The following C11orf65 variants were observed in gnomAD, a reference collection of about 807,000 sequenced individuals.
C11orf65 encodes protein MFI.
In C11orf65, 38 loss-of-function variants were observed where a neutral mutation model predicts 35.3. The ratio of observed to expected loss-of-function variants is 1.08; its 90% CI spans 0.83 to 1.41. The LOEUF (loss-of-function observed/expected upper bound fraction) is 1.41, where lower values mean the gene tolerates loss of function less well. C11orf65 is among the 40% of genes most tolerant of loss of function. C11orf65 has a pLI of 0.00. For synonymous variants in C11orf65, 105 were observed against 114.4 expected (o/e 0.92, Z 0.53); for missense variants, 370 against 367.1 (o/e 1.01, Z -0.06).
rs777200099 is a variant in C11orf65 at position 108,317,998 on chromosome 11, T to C, written c.641-8927A>G. ...GCTACAAACATTTTAGTCAGTAAGATAGCACTTATATTGGCTGGAGGATCC... is the reference window on the plus strand; with the variant it reads ...GCTACAAACATTTTAGTCAGTAAGACAGCACTTATATTGGCTGGAGGATCC... On this transcript the variant is annotated intron_variant, in intron 6 of 6. Transcript: ENST00000525729. 5.9e-5 allele frequency among the ~76,000 whole-genome samples: 9 copies of C among 152,288 alleles called. No individual in the cohort carries two copies. The South Asian group carries it at 1.0e-3, about 18-fold the overall frequency.
rs954486976 is a variant in C11orf65, at chr11:108,373,725, C to T, written c.226+19483G>A. Among the ~76,000 whole-genome samples the T allele has an allele frequency of 1.2e-4, 18 of 152,334 alleles. 1 individual carries two copies. In the East Asian group the frequency reaches 3.1e-3, roughly 26 times the overall value. ...CGCCAGCCGAAGCAGGGCGTGGCAT[C>T]GCATCACACGGGAAGCGCAAGGGGT... On this transcript the variant is annotated intron_variant, in intron 2 of 3. Coordinates refer to the C11orf65 transcript ENST00000524755.
chr11:108,349,725 A>T (rs1656055980), intron 2 of C11orf65, among the ~76,000 whole-genome samples: 1 of 152,176 alleles, frequency 6.6e-6, no homozygotes, highest in African/African-American at 2.4e-5. Context: ...TGGCAGAGAA[A>T]TTTGCTGCAG....
chr11:108,403,412 T>TTTTTTTC (rs1555164814), intron 6 of C11orf65, among the ~76,000 whole-genome samples: 6 of 144,488 alleles, frequency 4.2e-5, no homozygotes, highest in Non-Finnish European at 9.1e-5. Context: ...TTGAGAGGTT[T>TTTTTTTC]TTTTTTTGTT....
chr11:108,422,658 C>T lies in C11orf65; in HGVS notation c.174+9088G>A, dbSNP rs556240610. Among the ~76,000 whole-genome samples, 72 of 152,066 alleles carry T rather than the reference C, an allele frequency of 4.7e-4. 1 individual carries two copies. The highest frequency in any genetic ancestry group is 1.6e-3 in the Admixed American group (24 of 15,278). On this transcript the variant is annotated intron_variant, in intron 3 of 8. Transcript: ENST00000393084. ...CAGCACTTTGGGAGGCCAAGGTGGG[C>T]GGATCACGAGGTCAGGAGATGGAGA...
intron 2 of C11orf65, chr11:108,346,499 GTT>G (rs879675361): frequency 1.3e-4 from 18 of 135,088 alleles, no homozygotes; most frequent in Non-Finnish European, 1.1e-4. Flanking sequence ...TCTATTTGTT[GTT>G]TTTTTTTTTT....
intron 6 of C11orf65, chr11:108,317,331 T>C (rs765924415): frequency 9.4e-6 from 15 of 1,591,718 alleles, no homozygotes; most frequent in African/African-American, 8.1e-5. Flanking sequence ...TCTGTTGATA[T>C]CTTTGATTAC....
At chr11:108,360,167 C>T (rs2090543843) in intron 2 of C11orf65, among the ~76,000 whole-genome samples, 1 of 149,816 alleles carries the variant, frequency 6.7e-6, no homozygotes, top group Admixed American at 6.6e-5. Context: ...ACTACAAACA[C>T]CTCTACGCAA....
chr11:108,330,251 G>A (rs2136454078), downstream of C11orf65: 1 of 1,614,190 alleles, frequency 6.2e-7, no homozygotes, highest in Non-Finnish European at 8.5e-7. Context: ...GGAGTTGGAT[G>A]AATTAGCCCT....
intron 1 of C11orf65, chr11:108,462,640 C>T (rs1473668143): frequency 6.6e-6 from 1 of 152,074 alleles, no homozygotes; most frequent in Non-Finnish European, 1.5e-5. Context: ...TAAAATTAGA[C>T]CTTATGTGGT....
At chr11:108,340,024 G>C (rs1311883224) in intron 2 of C11orf65, 2 of 152,154 alleles carry the variant, frequency 1.3e-5, no homozygotes, top group Non-Finnish European at 2.9e-5. Flanking sequence ...GTAAAACATT[G>C]CCCTAGTCCT....
Position 108,393,911 on chromosome 11 carries a change from G to A in C11orf65, c.561-533C>T, listed in dbSNP as rs183317619. ...AAAAAGACACAGCCAGGCCCAGCGC[G>A]GTGGCTCACGCCTATAATCACAGAA... is the stretch of plus-strand genomic sequence containing the variant. On this transcript the variant is annotated intron_variant, in intron 6 of 8. Transcript: ENST00000393084. Among the ~76,000 whole-genome samples, 38 of 152,124 alleles carry A rather than the reference G, an allele frequency of 2.5e-4. No homozygotes were observed. In the East Asian group the frequency reaches 6.4e-3, roughly 26 times the overall value.
At chr11:108,356,650 T>C (rs1229675176) in intron 2 of C11orf65, among the ~76,000 whole-genome samples, 1 of 152,174 alleles carries the variant, frequency 6.6e-6, no homozygotes, top group Non-Finnish European at 1.5e-5. Flanking sequence ...GGGATTTTTA[T>C]GCTAAGGTGG....
intron 3 of C11orf65, among the ~76,000 whole-genome samples, chr11:108,424,656 G>A (rs2092873798): frequency 6.6e-6 from 1 of 152,082 alleles, no homozygotes; most frequent in Admixed American, 6.6e-5. Context: ...TCTAGACCAA[G>A]CAGACCTAAT....
intron 2 of C11orf65, among the ~76,000 whole-genome samples, chr11:108,354,337 A>G (rs945689728): frequency 1.3e-5 from 2 of 152,106 alleles, no homozygotes; most frequent in South Asian, 2.1e-4. Context: ...TAATGATCCA[A>G]ACTACTATTG....
rs1164726398 is a variant in C11orf65, at chr11:108,427,825, C to CTTTTT, written c.174+3916_174+3920dup. 9.5e-4 allele frequency among the ~76,000 whole-genome samples: 56 copies of CTTTTT among 59,050 alleles called. 8 individuals carry two copies. The highest frequency in any genetic ancestry group is 6.9e-3 in the South Asian group (8 of 1,160). The allele number at this position is 59,050 out of a possible 152,430, so 38.7% of individuals were successfully genotyped here. ...ATCTCACGCCAGTTAGAATGGCAAT[C>CTTTTT]TTTTTTTTTTTTTTTTTTTTTTTGA... On this transcript the variant is annotated intron_variant, in intron 3 of 8. Transcript: ENST00000393084.
At position 108,315,993 on chromosome 11, in the gene C11orf65, C is replaced by G. The variant is rs1591778129; in HGVS notation, c.641-6922G>C. The G allele has an allele frequency of 6.2e-7, 1 of 1,613,058 alleles. No individual in the cohort carries two copies. The highest frequency in any genetic ancestry group is 2.2e-5 in the East Asian group (1 of 44,854). On this transcript the variant is annotated intron_variant, in intron 6 of 6. Transcript: ENST00000525729. ...TGTGTGTAAAACCCAAAGCTATTTT[C>G]ACAATCTTTTCTTATAGACTACGAA...
intron 2 of C11orf65, among the ~76,000 whole-genome samples, chr11:108,435,326 GA>G (rs368969757): frequency 0.013 from 1,897 of 146,668 alleles, 47 homozygotes; most frequent in African/African-American, 0.044. Context: ...AAACCAACAT[GA>G]AAAAAAAAAG....
intron 2 of C11orf65, among the ~76,000 whole-genome samples, chr11:108,449,988 T>C (rs906162076): frequency 3.3e-4 from 50 of 151,252 alleles, no homozygotes; most frequent in African/African-American, 1.2e-3. Flanking sequence ...GAACAGACAC[T>C]CCTCAAAAGA....
intron 3 of C11orf65, among the ~76,000 whole-genome samples, chr11:108,422,608 G>C (rs1056214055): frequency 6.6e-6 from 1 of 152,178 alleles, no homozygotes; most frequent in African/African-American, 2.4e-5. Context: ...CCTGGGCTGG[G>C]CATGGTGGCT....
Sources: allele counts gnomAD v4.1 joint callset (sites outside exome capture counted in the v4.1 genomes callset), GRCh38; gene constraint gnomAD v4.1.1; transcripts MANE v1.5; gene names NCBI Gene and HGNC (gene_info 2026-07-23, HGNC 2026-07-21).